Variants in TASP1 observed in about 807,000 individuals in gnomAD.
TASP1 encodes the protein taspase 1, also known as threonine aspartase 1.
Under a neutral mutation model 56.6 loss-of-function variants are expected in TASP1, and 16 were observed. The ratio of observed to expected loss-of-function variants is 0.28; its 90% confidence interval spans 0.19 to 0.43. The LOEUF (loss-of-function observed/expected upper bound fraction) is 0.43, where lower values mean the gene tolerates loss of function less well. TASP1 is among the 20% of genes least tolerant of loss of function. The pLI, the probability that TASP1 is intolerant of heterozygous loss-of-function variation, is 1.00. For synonymous variants in TASP1, 179 were observed against 184.2 expected, an observed-to-expected ratio of 0.97 and a Z score of 0.23; for missense variants, 393 against 511.6, an observed-to-expected ratio of 0.77 and a Z score of 2.24.
At chr20:13,287,088 CT>C in the TASP1 span, among the ~76,000 whole-genome samples, 56,447 of 152,052 alleles carry the variant, frequency 0.37, 10,597 homozygotes, top group Admixed American at 0.45. Context: ...CAAGACTTTA[CT>C]TTTGATAAGA....
At chr20:13,541,292 G>T (rs1163859167) in intron 8 of TASP1, among the ~76,000 whole-genome samples, 1 of 152,080 alleles carries the variant, frequency 6.6e-6, no homozygotes, top group Non-Finnish European at 1.5e-5. Context: ...GCTATAATTG[G>T]TTGGTATAAT....
chr20:13,545,655 A>T (rs6042210), intron 8 of TASP1, among the ~76,000 whole-genome samples: 91,172 of 151,052 alleles, frequency 0.6, 28,312 homozygotes, highest in Non-Finnish European at 0.68. Context: ...ATTTTTTTTT[A>T]AAATATCTTA....
At chr20:13,378,419 T>C in the TASP1 span, among the ~76,000 whole-genome samples, 277 of 152,304 alleles carry the variant, frequency 1.8e-3, 1 homozygote, top group African/African-American at 6.1e-3. Context: ...TCTAATTTGA[T>C]TGTACTGTGG....
chr20:13,313,025 G>A, the TASP1 span, among the ~76,000 whole-genome samples: 4 of 152,270 alleles, frequency 2.6e-5, no homozygotes, highest in Non-Finnish European at 4.4e-5. Context: ...CCAAATTCTA[G>A]CAGGTCCCCC....
At chr20:13,541,526 G>A (rs141021791) in intron 8 of TASP1, among the ~76,000 whole-genome samples, 8 of 152,058 alleles carry the variant, frequency 5.3e-5, no homozygotes, top group East Asian at 1.9e-4. Flanking sequence ...CTAATCTCCC[G>A]TTCTTTGCTC....
At chr20:13,375,836 G>A in the TASP1 span, among the ~76,000 whole-genome samples, 1 of 152,106 alleles carries the variant, frequency 6.6e-6, no homozygotes, top group Admixed American at 6.5e-5. Context: ...AGTAACTAGT[G>A]ATGATGAATT....
intron 5 of TASP1, among the ~76,000 whole-genome samples, chr20:13,581,464 G>T (rs1461166483): frequency 6.6e-6 from 1 of 152,064 alleles, no homozygotes; most frequent in East Asian, 1.9e-4. Flanking sequence ...GGAAAAATAA[G>T]CCAAAAATTT....
At chr20:13,414,156 G>C (rs1444619835) in intron 13 of TASP1, among the ~76,000 whole-genome samples, 1 of 152,178 alleles carries the variant, frequency 6.6e-6, no homozygotes, top group African/African-American at 2.4e-5. Flanking sequence ...CATTTCTGCA[G>C]CCTGTCTTTT....
At chr20:13,375,335 T>G in the TASP1 span, among the ~76,000 whole-genome samples, 1 of 151,912 alleles carries the variant, frequency 6.6e-6, no homozygotes, top group Non-Finnish European at 1.5e-5. Context: ...AATGCGGTGT[T>G]TGGTTTTCTG....
At chr20:13,228,445 T>C in the TASP1 span, among the ~76,000 whole-genome samples, 4 of 152,236 alleles carry the variant, frequency 2.6e-5, no homozygotes, top group Non-Finnish European at 5.9e-5. Context: ...GGCTGTCTTC[T>C]ATCTTATTTC....
the TASP1 span, among the ~76,000 whole-genome samples, chr20:13,341,806 C>T: frequency 4.6e-5 from 7 of 152,296 alleles, no homozygotes; most frequent in South Asian, 2.1e-4. Flanking sequence ...TGTGATGAAA[C>T]GGAGGAACAG....
chr20:13,178,537 A>G, the TASP1 span, among the ~76,000 whole-genome samples: 1 of 152,162 alleles, frequency 6.6e-6, no homozygotes, highest in African/African-American at 2.4e-5. Context: ...AAAATGTGGT[A>G]TATATACACA....
At chr20:13,599,453 C>T (rs536331649) in intron 4 of TASP1, among the ~76,000 whole-genome samples, 12 of 152,290 alleles carry the variant, frequency 7.9e-5, no homozygotes, top group African/African-American at 2.9e-4. Context: ...CGCATGTTCT[C>T]ACTCATAGAT....
chr20:13,521,026 C>T (rs893437179), intron 10 of TASP1, among the ~76,000 whole-genome samples: 23 of 152,122 alleles, frequency 1.5e-4, no homozygotes, highest in African/African-American at 5.6e-4. Context: ...TGAAAAAATG[C>T]TCATCATCAC....
chr20:13,316,302 TA>T, the TASP1 span, among the ~76,000 whole-genome samples: 1 of 151,938 alleles, frequency 6.6e-6, no homozygotes, highest in African/African-American at 2.4e-5. Flanking sequence ...TGATAATTAA[TA>T]ACCTGTCAAA....
At chr20:13,471,043 TAGTC>T (rs746236624) in intron 11 of TASP1, among the ~76,000 whole-genome samples, 1 of 152,160 alleles carries the variant, frequency 6.6e-6, no homozygotes, top group Non-Finnish European at 1.5e-5. Context: ...TTAAAAATAA[TAGTC>T]AGAATCTCTG....
At chr20:13,347,798 C>T in the TASP1 span, among the ~76,000 whole-genome samples, 8 of 151,186 alleles carry the variant, frequency 5.3e-5, no homozygotes, top group East Asian at 1.2e-3. Context: ...GCCAAGATCT[C>T]GCCATTGCAC....
At chr20:13,286,659 C>G in the TASP1 span, among the ~76,000 whole-genome samples, 2 of 152,170 alleles carry the variant, frequency 1.3e-5, no homozygotes, top group African/African-American at 2.4e-5. Flanking sequence ...ATCCACCCCC[C>G]ACCACCCCGC....
the TASP1 span, among the ~76,000 whole-genome samples, chr20:13,363,688 G>T: frequency 6.6e-6 from 1 of 152,196 alleles, no homozygotes. Context: ...CCTTCAACCT[G>T]TGGGATCTGA....
Sources: allele counts gnomAD v4.1 joint callset (sites outside exome capture counted in the v4.1 genomes callset), GRCh38; gene constraint gnomAD v4.1.1; transcripts MANE v1.5; gene names NCBI Gene and HGNC (gene_info 2026-07-23, HGNC 2026-07-21).